Variants in OPRM1 observed in about 807,000 individuals in gnomAD.
OPRM1 encodes mu-type opioid receptor.
In OPRM1, 27 loss-of-function variants were observed where a neutral mutation model predicts 31.8. The observed-to-expected ratio is 0.85, with a 90% confidence interval of 0.63 to 1.17. The LOEUF is 1.17. Ranked by LOEUF, OPRM1 falls within the 50% of genes most tolerant of loss-of-function variation. The pLI is 0.00. For missense variants in OPRM1, 536 were observed against 511.1 expected (o/e 1.05, Z -0.47); for synonymous variants, 196 against 189.9 (o/e 1.03, Z -0.26).
At chr6:154,075,462 T>G (rs1421897153) in intron 1 of OPRM1, among the ~76,000 whole-genome samples, 10 of 151,914 alleles carry the variant, frequency 6.6e-5, no homozygotes. Context: ...CTTTTTTTTT[T>G]TTTTTTTCCA....
intron 1 of OPRM1, 161 bp from the exon 2 acceptor site, chr6:154,089,665 T>A (rs17174787): frequency 1.0e-5 from 6 of 601,452 alleles, no homozygotes; most frequent in African/African-American, 1.9e-5. Context: ...AGGTACATCA[T>A]TGACATCATT....
intron 1 of OPRM1, among the ~76,000 whole-genome samples, chr6:154,070,245 A>G (rs1786385944): frequency 6.6e-6 from 1 of 152,172 alleles, no homozygotes; most frequent in Admixed American, 6.5e-5. Context: ...GAGATAGAAA[A>G]CTGTTAGCCA....
intron 3 of OPRM1, among the ~76,000 whole-genome samples, chr6:154,229,145 G>A (rs967954232): frequency 6.6e-6 from 1 of 152,184 alleles, no homozygotes; most frequent in Non-Finnish European, 1.5e-5. Context: ...TTATCTGGTT[G>A]TTTGTCTGCT....
At chr6:154,099,041 A>G (rs1793886741) in intron 3 of OPRM1, among the ~76,000 whole-genome samples, 3 of 152,118 alleles carry the variant, frequency 2.0e-5, no homozygotes, top group Admixed American at 6.6e-5. Context: ...GCATTTTGGG[A>G]GGCCGAGGCC....
At chr6:154,202,014 G>A (rs966402092) in intron 3 of OPRM1, among the ~76,000 whole-genome samples, 7 of 152,202 alleles carry the variant, frequency 4.6e-5, no homozygotes, top group Admixed American at 4.6e-4. Context: ...AACTAATTCA[G>A]AACAGTTGAC....
At chr6:154,035,498 A>G (rs1208078227), upstream of OPRM1, among the ~76,000 whole-genome samples, 1 of 152,156 alleles carries the variant, frequency 6.6e-6, no homozygotes, top group Admixed American at 6.5e-5. Context: ...TGTTCCTCCA[A>G]TGAAACCTTG....
chr6:154,123,788 C>G lies in OPRM1; in HGVS notation c.*5067C>G, dbSNP rs1797431490. Among the ~76,000 whole-genome samples, 1 of 152,150 alleles carries G rather than the reference C, an allele frequency of 6.6e-6. No individual in the cohort carries two copies. Among genetic ancestry groups the G allele is most frequent in the Non-Finnish European group, 1.5e-5 (1 of 68,022 alleles). On this transcript the variant is annotated 3_prime_UTR_variant, in exon 4 of 4. Transcript: ENST00000330432. ...ACTGGTGGGAATGTTTTTTAGCATG[C>G]TAATGCAATATAATTAGTGTATAAT...
chr6:154,079,505 G>A (rs1447467213), intron 1 of OPRM1, among the ~76,000 whole-genome samples: 1 of 152,294 alleles, frequency 6.6e-6, no homozygotes, highest in East Asian at 1.9e-4. Context: ...AGCAGGCAGG[G>A]GCTCGAAATA....
intron 3 of OPRM1, chr6:154,212,644 G>A (rs747035401): frequency 4.2e-5 from 27 of 642,394 alleles, no homozygotes; most frequent in Admixed American, 5.7e-5. Flanking sequence ...GCACTTGCTC[G>A]TTGGCAGGTA....
chr6:154,069,373 G>C (rs993626649), intron 1 of OPRM1, among the ~76,000 whole-genome samples: 2 of 152,060 alleles, frequency 1.3e-5, no homozygotes, highest in Non-Finnish European at 2.9e-5. Context: ...CCAGTAGCAG[G>C]GATTACAGGT....
chr6:154,185,768 A>G (rs1801285242), intron 3 of OPRM1, among the ~76,000 whole-genome samples: 1 of 152,264 alleles, frequency 6.6e-6, no homozygotes, highest in Non-Finnish European at 1.5e-5. Context: ...AGCTGAAACA[A>G]AAGCTAAAAA....
intron 3 of OPRM1, among the ~76,000 whole-genome samples, chr6:154,229,346 G>GTTTTTTT (rs34462600): frequency 8.9e-6 from 1 of 112,680 alleles, no homozygotes; most frequent in Non-Finnish European, 1.8e-5. Flanking sequence ...AAGTTTGCCG[G>GTTTTTTT]TTTTTTTTTT....
At chr6:154,022,213 T>G (rs146171220) in intron 1 of OPRM1, among the ~76,000 whole-genome samples, 1 of 152,342 alleles carries the variant, frequency 6.6e-6, no homozygotes, top group Non-Finnish European at 1.5e-5. Flanking sequence ...AGATGCTTTT[T>G]CTGCATCTGT....
intron 1 of OPRM1, among the ~76,000 whole-genome samples, chr6:154,068,708 T>C (rs1381393012): frequency 6.6e-6 from 1 of 152,342 alleles, no homozygotes; most frequent in East Asian, 1.9e-4. Flanking sequence ...TTTGTTCCCT[T>C]TGGATATATA....
intron 3 of OPRM1, chr6:154,216,801 G>C (rs1052874488): frequency 6.6e-6 from 1 of 152,412 alleles, no homozygotes; most frequent in Non-Finnish European, 1.5e-5. Flanking sequence ...CCAGGAGGCA[G>C]AGGTTGCAGT....
intron 3 of OPRM1, among the ~76,000 whole-genome samples, chr6:154,099,365 G>GAA (rs1794027718): frequency 1.4e-5 from 2 of 144,722 alleles, no homozygotes; most frequent in Non-Finnish European, 3.0e-5. Context: ...GAGAGAGAGA[G>GAA]AGAAAGAAAG....
chr6:154,180,406 ATATATATAT>A (rs992318133), intron 3 of OPRM1, among the ~76,000 whole-genome samples: 11 of 39,356 alleles, frequency 2.8e-4, no homozygotes, highest in African/African-American at 9.8e-4. Context: ...ATATATATAT[ATATATATAT>A]TTTTTTTTTA....
At chr6:154,207,045 G>T (rs1229494514) in intron 3 of OPRM1, among the ~76,000 whole-genome samples, 1 of 152,192 alleles carries the variant, frequency 6.6e-6, no homozygotes, top group Non-Finnish European at 1.5e-5. Context: ...CTAATTGGGA[G>T]GTGGTTTTTA....
In OPRM1 at chr6:154,010,564, A is replaced by C. The variant is rs1777672788; in HGVS notation, c.-455A>C. 4 of 1,545,724 alleles carry C rather than the reference A, an allele frequency of 2.6e-6. No homozygotes were observed. The East Asian group carries it at 9.8e-5, about 38-fold the overall frequency. On this transcript the variant is annotated 5_prime_UTR_variant, in exon 1 of 6. Coordinates refer to the OPRM1 transcript ENST00000434900. ...CAAAGCTGGGAAGCCCTCCAGGTTC[A>C]TTTGGAAGAAAATACTCCTCTGAGC...
Sources: gnomAD v4.1 joint callset for allele counts (sites outside exome capture counted in the v4.1 genomes callset) on GRCh38, gnomAD v4.1.1 for gene constraint, MANE v1.5 for transcripts, NCBI Gene and HGNC (gene_info 2026-07-23, HGNC 2026-07-21) for gene names.